GRXCR1: variants seen among roughly 807,000 people sequenced by gnomAD.
GRXCR1 encodes glutaredoxin and cysteine rich domain containing 1.
In GRXCR1, 27 loss-of-function variants were observed where a neutral mutation model predicts 27.3. That is an observed-to-expected ratio of 0.99 (90% confidence interval 0.73 to 1.37). The LOEUF (loss-of-function observed/expected upper bound fraction) is 1.37, where lower values mean the gene tolerates loss of function less well. Ranked by LOEUF, GRXCR1 falls within the 40% of genes most tolerant of loss-of-function variation. The pLI is 0.00. For missense variants in GRXCR1, 379 were observed against 354.4 expected (o/e 1.07, Z -0.56); for synonymous variants, 122 against 131.1 (o/e 0.93, Z 0.47).
At chr4:43,011,423 T>C (rs1712747019) in intron 2 of GRXCR1, among the ~76,000 whole-genome samples, 1 of 152,154 alleles carries the variant, frequency 6.6e-6, no homozygotes, top group South Asian at 2.1e-4. Context: ...TTGGCAGTTG[T>C]TGAGTACCTC....
intron 2 of GRXCR1, among the ~76,000 whole-genome samples, chr4:43,014,221 C>T (rs1374946914): frequency 6.6e-5 from 10 of 152,114 alleles, no homozygotes; most frequent in Admixed American, 6.6e-4. Flanking sequence ...GAACATTTTC[C>T]AGGCCTAAGT....
At chr4:42,960,134 C>G (rs1228543076) in intron 1 of GRXCR1, among the ~76,000 whole-genome samples, 1 of 151,942 alleles carries the variant, frequency 6.6e-6, no homozygotes, top group African/African-American at 2.4e-5. Flanking sequence ...GAGAATCTTA[C>G]ATGAGTTGGT....
At chr4:42,921,547 G>C (rs972292287) in intron 1 of GRXCR1, among the ~76,000 whole-genome samples, 3 of 151,956 alleles carry the variant, frequency 2.0e-5, no homozygotes, top group Non-Finnish European at 4.4e-5. Flanking sequence ...GGGGTACACC[G>C]TGTACTATGT....
rs369175689 is a variant in GRXCR1 at position 42,924,681 on chromosome 4, G to C, written c.384+31031G>C. ...ACAGCAGAAACTATCCAATGTTCCT[G>C]CCTGCCCTCCTAGAACTTACTTCCT... On this transcript the variant is annotated intron_variant, in intron 1 of 3. Transcript: ENST00000399770. 4.6e-4 allele frequency among the ~76,000 whole-genome samples: 70 copies of C among 152,152 alleles called. 2 individuals are homozygous for C. In the South Asian group the frequency reaches 0.011, roughly 23 times the overall value.
At chr4:42,911,056 C>T (rs1192607704) in intron 1 of GRXCR1, among the ~76,000 whole-genome samples, 1 of 152,084 alleles carries the variant, frequency 6.6e-6, no homozygotes, top group East Asian at 1.9e-4. Context: ...TGTTTACTAC[C>T]CAGCTTCCCC....
Position 42,962,911 on chromosome 4 carries a change from A to G in GRXCR1, c.404A>G (p.Glu135Gly). The G allele has an allele frequency of 1.9e-6, 3 of 1,612,654 alleles. No individual in the cohort carries two copies. Among genetic ancestry groups the G allele is most frequent in the Non-Finnish European group, 2.5e-6 (3 of 1,178,962 alleles). Reference protein sequence around the residue: ...KVLQQPSTDLEFDRVVIYTTC... With the variant: ...KVLQQPSTDLGFDRVVIYTTC... ...CTTCAGCAACCATCAACTGATCTAGAATTTGACCGTGTAGTGATTTATACC... is the reference window on the plus strand; with the variant it reads ...CTTCAGCAACCATCAACTGATCTAGGATTTGACCGTGTAGTGATTTATACC... The change falls in exon 2 of 4, where the codon GAA becomes GGA. Residue 135 changes from glutamate (E) to glycine (G), a missense_variant. By Grantham distance (98) the Glu-to-Gly change is moderately conservative (BLOSUM62 -2). Coordinates refer to ENST00000399770, the MANE Select transcript of GRXCR1 (RefSeq NM_001080476.3).
chr4:42,961,949 G>A (rs1413967564), intron 1 of GRXCR1, among the ~76,000 whole-genome samples: 1 of 151,938 alleles, frequency 6.6e-6, no homozygotes, highest in Non-Finnish European at 1.5e-5. Context: ...TTACAGCTTT[G>A]TGAAGACTCA....
intron 2 of GRXCR1, among the ~76,000 whole-genome samples, chr4:43,000,449 C>T (rs1712314273): frequency 6.8e-6 from 1 of 146,424 alleles, no homozygotes; most frequent in Admixed American, 6.9e-5. Context: ...GCACTCCAGC[C>T]TGGTGACAGA....
chr4:42,934,053 T>C (rs1403575340), intron 1 of GRXCR1, among the ~76,000 whole-genome samples: 1 of 151,868 alleles, frequency 6.6e-6, no homozygotes, highest in Non-Finnish European at 1.5e-5. Flanking sequence ...TTATTAGTAC[T>C]ATTTTAAATA....
intron 1 of GRXCR1, among the ~76,000 whole-genome samples, chr4:42,951,615 T>C (rs1417383778): frequency 6.6e-6 from 1 of 152,196 alleles, no homozygotes; most frequent in Admixed American, 6.5e-5. Context: ...ATGATTTGTA[T>C]TCCTTTTGGT....
At chr4:42,979,013 C>T (rs967298678) in intron 2 of GRXCR1, among the ~76,000 whole-genome samples, 10 of 152,048 alleles carry the variant, frequency 6.6e-5, no homozygotes, top group Admixed American at 6.6e-4. Context: ...CTTTCACTTT[C>T]TGCCATGATT....
rs559846298 is a variant in GRXCR1, at chr4:42,919,267, A to G, written c.384+25617A>G. Among the ~76,000 whole-genome samples the G allele has an allele frequency of 1.6e-3, 241 of 152,154 alleles. 10 individuals carry two copies. In the South Asian group the frequency reaches 0.048, roughly 30 times the overall value. On this transcript the variant is annotated intron_variant, in intron 1 of 3. Transcript: ENST00000399770. ...AGCACTGTCTCTACTCGTCTTTATT[A>G]TGTCCCTAAATCCATGACCAGGGGT...
chr4:42,973,737 G>T (rs1046105897), intron 2 of GRXCR1, among the ~76,000 whole-genome samples: 1 of 152,050 alleles, frequency 6.6e-6, no homozygotes, highest in Non-Finnish European at 1.5e-5. Context: ...TTGCATGCAA[G>T]GATAAACTCT....
At chr4:42,919,522 G>A (rs1746961180) in intron 1 of GRXCR1, among the ~76,000 whole-genome samples, 1 of 152,100 alleles carries the variant, frequency 6.6e-6, no homozygotes, top group African/African-American at 2.4e-5. Context: ...TAAATCTGGG[G>A]TGTTGTGATT....
In GRXCR1 at chr4:42,925,002, G is replaced by T. The variant is rs544408609; in HGVS notation, c.384+31352G>T. Among the ~76,000 whole-genome samples the T allele has an allele frequency of 1.3e-4, 20 of 151,428 alleles. No individual in the cohort carries two copies. The South Asian group carries it at 3.7e-3, about 28-fold the overall frequency. ...AACTTTTACTTGCTTTCTGCAATTT[G>T]TTTGCAGATAATAGTTATATTATAT... On this transcript the variant is annotated intron_variant, in intron 1 of 3. Coordinates refer to ENST00000399770, the MANE Select transcript of GRXCR1 (RefSeq NM_001080476.3).
chr4:42,963,477 GAT>G (rs907566155), intron 2 of GRXCR1, among the ~76,000 whole-genome samples: 4 of 151,896 alleles, frequency 2.6e-5, no homozygotes, highest in African/African-American at 9.7e-5. Context: ...ATATTTATAA[GAT>G]ATATATTTAT....
intron 1 of GRXCR1, among the ~76,000 whole-genome samples, chr4:42,957,493 T>G (rs1748032565): frequency 6.6e-6 from 1 of 152,034 alleles, no homozygotes; most frequent in African/African-American, 2.4e-5. Context: ...TCTGTCTTTA[T>G]GTCTTTGAGT....
intron 2 of GRXCR1, among the ~76,000 whole-genome samples, chr4:43,017,348 T>C (rs1219695184): frequency 2.0e-5 from 3 of 152,132 alleles, no homozygotes; most frequent in African/African-American, 7.2e-5. Context: ...CAGGGTGCAA[T>C]GGAAAGAGTA....
chr4:42,899,167 T>G (rs1746412311), intron 1 of GRXCR1, among the ~76,000 whole-genome samples: 1 of 152,148 alleles, frequency 6.6e-6, no homozygotes, highest in Non-Finnish European at 1.5e-5. Context: ...TTTCCTCTTC[T>G]CCATCTCTTT....
Sources: gnomAD v4.1 joint callset for allele counts (sites outside exome capture counted in the v4.1 genomes callset) on GRCh38, gnomAD v4.1.1 for gene constraint, MANE v1.5 for transcripts, NCBI Gene and HGNC (gene_info 2026-07-23, HGNC 2026-07-21) for gene names.